The following PAPPA2 variants were observed in gnomAD, a reference collection of about 807,000 sequenced individuals.
The protein encoded by PAPPA2 is pappalysin-2.
PAPPA2 carries 86 observed loss-of-function variants against 176.4 expected under a neutral mutation model. The ratio of observed to expected loss-of-function variants is 0.49; its 90% confidence interval spans 0.41 to 0.58. The LOEUF is 0.58. Ranked by LOEUF, PAPPA2 falls within the 20% of genes least tolerant of loss-of-function variation. The probability of loss-of-function intolerance (pLI) is 0.00; values close to 1 mark genes in which losing one functional copy is unlikely to be tolerated. For synonymous variants in PAPPA2, 809 were observed against 852.2 expected (o/e 0.95, Z 0.88); for missense variants, 2,073 against 2,256.9 (o/e 0.92, Z 1.65).
intron 2 of PAPPA2, among the ~76,000 whole-genome samples, chr1:176,580,054 A>G (rs940081910): frequency 3.9e-5 from 6 of 152,166 alleles, no homozygotes; most frequent in Admixed American, 3.3e-4. Flanking sequence ...AATATATCAT[A>G]TATTATTTTA....
intron 3 of PAPPA2, among the ~76,000 whole-genome samples, chr1:176,632,229 ATGTGTGTGTGTGTG>A (rs56939950): frequency 4.1e-4 from 60 of 145,536 alleles, no homozygotes; most frequent in Non-Finnish European, 3.8e-4. Context: ...ATTAGTAGTG[ATGTGTGTGTGTGTG>A]TGTGTGTGTG....
chr1:176,783,470 G>T (rs1664804448), intron 17 of PAPPA2, among the ~76,000 whole-genome samples: 1 of 152,170 alleles, frequency 6.6e-6, no homozygotes, highest in Non-Finnish European at 1.5e-5. Context: ...TTGATGACAA[G>T]ATCTTTATTT....
chr1:176,753,497 T>C (rs1663276179), intron 14 of PAPPA2, among the ~76,000 whole-genome samples: 1 of 150,938 alleles, frequency 6.6e-6, no homozygotes, highest in South Asian at 2.1e-4. Context: ...TGCTCAGTCC[T>C]ATGTAGAACG....
intron 1 of PAPPA2, among the ~76,000 whole-genome samples, chr1:176,512,707 G>A (rs1376769308): frequency 1.3e-5 from 2 of 152,086 alleles, no homozygotes; most frequent in Non-Finnish European, 2.9e-5. Flanking sequence ...ATATATATAT[G>A]TCAAAACTTA....
intron 3 of PAPPA2, among the ~76,000 whole-genome samples, chr1:176,596,320 A>T (rs896555524): frequency 1.3e-5 from 2 of 152,142 alleles, no homozygotes; most frequent in Admixed American, 6.5e-5. Flanking sequence ...CTACCTCTCC[A>T]TCACCACCTA....
intron 8 of PAPPA2, among the ~76,000 whole-genome samples, chr1:176,701,926 C>T (rs958395483): frequency 1.3e-5 from 2 of 152,076 alleles, no homozygotes; most frequent in African/African-American, 4.8e-5. Flanking sequence ...ATCAGTGCAC[C>T]CAGGATCTAG....
chr1:176,576,475 GT>G (rs1224360115), intron 2 of PAPPA2, among the ~76,000 whole-genome samples: 1 of 4,302 alleles, frequency 2.3e-4, no homozygotes, highest in Non-Finnish European at 3.9e-4. Context: ...CGTCAATGGG[GT>G]GTGTGTGTGT....
intron 1 of PAPPA2, among the ~76,000 whole-genome samples, chr1:176,466,629 C>A (rs1404207937): frequency 6.6e-6 from 1 of 152,030 alleles, no homozygotes; most frequent in Admixed American, 6.6e-5. Flanking sequence ...AGAGAGTGAG[C>A]CTTGAATGAA....
chr1:176,485,663 A>C (rs1287489173), intron 1 of PAPPA2, among the ~76,000 whole-genome samples: 1 of 152,216 alleles, frequency 6.6e-6, no homozygotes, highest in Admixed American at 6.5e-5. Flanking sequence ...GCAAGAGAGC[A>C]GGATTTTTGT....
At chr1:176,623,162 C>T (rs1309401117) in intron 3 of PAPPA2, among the ~76,000 whole-genome samples, 1 of 152,178 alleles carries the variant, frequency 6.6e-6, no homozygotes, top group Non-Finnish European at 1.5e-5. Context: ...TGACTACCAG[C>T]TCAACATATT....
chr1:176,762,717 A>T (rs754276410), intron 14 of PAPPA2, among the ~76,000 whole-genome samples: 13 of 152,210 alleles, frequency 8.5e-5, no homozygotes, highest in South Asian at 2.1e-4. Context: ...TAGCTTCCTT[A>T]TCAGATAGAT....
At chr1:176,789,166 A>G (rs2102935632) in intron 17 of PAPPA2, among the ~76,000 whole-genome samples, 1 of 152,320 alleles carries the variant, frequency 6.6e-6, no homozygotes, top group Admixed American at 6.5e-5. Context: ...TCCAACAATG[A>G]TAGACTGGAT....
chr1:176,712,686 A>G (rs1009830141), intron 12 of PAPPA2, among the ~76,000 whole-genome samples: 1 of 152,230 alleles, frequency 6.6e-6, no homozygotes, highest in African/African-American at 2.4e-5. Context: ...GTGAACGTGT[A>G]TAAACAGATG....
intron 17 of PAPPA2, among the ~76,000 whole-genome samples, chr1:176,778,357 A>T (rs1279959704): frequency 1.3e-5 from 2 of 152,192 alleles, no homozygotes; most frequent in African/African-American, 4.8e-5. Flanking sequence ...GTCATAATTT[A>T]AAAAATTAGG....
intron 1 of PAPPA2, among the ~76,000 whole-genome samples, chr1:176,549,890 A>G (rs1347924210): frequency 6.6e-6 from 1 of 152,236 alleles, no homozygotes; most frequent in East Asian, 1.9e-4. Context: ...AACCTTTTTT[A>G]GTACACAGTT....
intron 3 of PAPPA2, among the ~76,000 whole-genome samples, chr1:176,634,803 T>TAGAA (rs1337273484): frequency 9.7e-5 from 3 of 31,078 alleles, no homozygotes; most frequent in Non-Finnish European, 3.0e-4. Context: ...AGGAGAGAGA[T>TAGAA]AGATAGATAG....
chr1:176,692,242 C>T lies in PAPPA2; in HGVS notation c.2548C>T (p.Pro850Ser), dbSNP rs1259711450. 1 of 1,614,068 alleles carries T rather than the reference C, an allele frequency of 6.2e-7. No individual in the cohort carries two copies. The highest frequency in any genetic ancestry group is 2.2e-5 in the East Asian group (1 of 44,880). The change falls in exon 6 of 23, where the codon CCT (proline) becomes TCT (serine). Residue 850 changes from proline (P) to serine (S), a missense_variant. Pro to Ser is a moderately conservative substitution (Grantham distance 74). Coordinates refer to ENST00000367662, the MANE Select transcript of PAPPA2 (RefSeq NM_020318.3). ...AAAGCCCACCCCCATCCCCATTCCA[C>T]CTATGGTCATCGGACAGACCAACAA... The part of the protein sequence containing the change: ...SRKPTPIPIP[P>S]MVIGQTNKSL...
chr1:176,739,898 T>TA, intron 13 of PAPPA2, 82 bp from the exon 14 acceptor site: 1 of 1,573,060 alleles, frequency 6.4e-7, no homozygotes, highest in East Asian at 2.2e-5. Context: ...ATACACCTAT[T>TA]AAGAGGATAA....
At chr1:176,611,151 A>T (rs1654901730) in intron 3 of PAPPA2, among the ~76,000 whole-genome samples, 1 of 152,162 alleles carries the variant, frequency 6.6e-6, no homozygotes, top group Admixed American at 6.5e-5. Flanking sequence ...GTGCTTTCTG[A>T]CTAGAAGGAC....
Sources: gnomAD v4.1 joint callset for allele counts (sites outside exome capture counted in the v4.1 genomes callset) on GRCh38, gnomAD v4.1.1 for gene constraint, MANE v1.5 for transcripts, NCBI Gene and HGNC (gene_info 2026-07-23, HGNC 2026-07-21) for gene names.